Variants in SLC24A2 observed in about 807,000 individuals in gnomAD.
SLC24A2 encodes the protein sodium/potassium/calcium exchanger 2.
In SLC24A2, 36 loss-of-function variants were observed where a neutral mutation model predicts 62.0. That is an observed-to-expected ratio of 0.58 (90% CI 0.44 to 0.77). The LOEUF is 0.77. Ranked by LOEUF, SLC24A2 falls within the 30% of genes least tolerant of loss-of-function variation. SLC24A2 has a pLI of 0.00. For missense variants in SLC24A2, 846 were observed against 817.9 expected, an observed-to-expected ratio of 1.03 and a Z score of -0.42; for synonymous variants, 358 against 294.0, an observed-to-expected ratio of 1.22 and a Z score of -2.23.
At chr9:19,984,292 T>C in the SLC24A2 span, among the ~76,000 whole-genome samples, 2 of 151,962 alleles carry the variant, frequency 1.3e-5, no homozygotes, top group Admixed American at 6.6e-5. Context: ...TAGAATAATA[T>C]TGAAAAAGAA....
chr9:19,640,905 C>A (rs373582952), intron 2 of SLC24A2, among the ~76,000 whole-genome samples: 24 of 152,194 alleles, frequency 1.6e-4, no homozygotes, highest in Admixed American at 1.2e-3. Flanking sequence ...CTAATTCCAG[C>A]CCTGGGTGTT....
intron 2 of SLC24A2, among the ~76,000 whole-genome samples, chr9:19,648,753 G>C (rs1818713120): frequency 6.6e-6 from 1 of 152,084 alleles, no homozygotes; most frequent in Admixed American, 6.5e-5. Context: ...GTTAGGGTTG[G>C]TTATTGGGTT....
the SLC24A2 span, among the ~76,000 whole-genome samples, chr9:20,058,465 G>A: frequency 6.7e-6 from 1 of 148,444 alleles, no homozygotes; most frequent in Non-Finnish European, 1.5e-5. Flanking sequence ...CTCAAAGTAT[G>A]CTTCTGATAC....
the SLC24A2 span, among the ~76,000 whole-genome samples, chr9:20,000,487 C>G: frequency 6.6e-6 from 1 of 151,642 alleles, no homozygotes; most frequent in Middle Eastern, 3.2e-3. Flanking sequence ...ACTCTATCTT[C>G]AAAAAGTTTA....
At chr9:19,718,551 T>G (rs1201124617) in intron 2 of SLC24A2, among the ~76,000 whole-genome samples, 1 of 150,302 alleles carries the variant, frequency 6.7e-6, no homozygotes, top group Admixed American at 6.7e-5. Flanking sequence ...GCTCAAGCAA[T>G]TGGCCCGCCT....
chr9:20,060,712 T>G, the SLC24A2 span, among the ~76,000 whole-genome samples: 501 of 152,206 alleles, frequency 3.3e-3, 10 homozygotes, highest in Admixed American at 0.029. Flanking sequence ...AAGAAAACTG[T>G]GCGCCTAAGA....
chr9:19,636,332 TTTC>T (rs1818339572), intron 2 of SLC24A2, among the ~76,000 whole-genome samples: 1 of 29,998 alleles, frequency 3.3e-5, no homozygotes, highest in Admixed American at 3.5e-4. Context: ...TCTTTCTTTC[TTTC>T]TTTCTTTCTT....
the SLC24A2 span, among the ~76,000 whole-genome samples, chr9:20,055,462 G>T: frequency 1.3e-5 from 2 of 151,990 alleles, no homozygotes; most frequent in African/African-American, 4.8e-5. Context: ...TGTTTAGTAG[G>T]GGGTGTAAAT....
the SLC24A2 span, among the ~76,000 whole-genome samples, chr9:20,290,744 G>C: frequency 6.6e-6 from 1 of 152,190 alleles, no homozygotes; most frequent in Non-Finnish European, 1.5e-5. Context: ...TCTGAAAGCT[G>C]TGGAAGTCCA....
intron 2 of SLC24A2, among the ~76,000 whole-genome samples, chr9:19,715,916 G>C (rs891115576): frequency 3.3e-5 from 5 of 152,128 alleles, no homozygotes; most frequent in African/African-American, 4.8e-5. Context: ...GTTTTGAAGT[G>C]GGGGAGAAGA....
the SLC24A2 span, among the ~76,000 whole-genome samples, chr9:20,248,309 G>T: frequency 6.6e-6 from 1 of 152,200 alleles, no homozygotes; most frequent in Admixed American, 6.5e-5. Context: ...AGGTACTAAA[G>T]AAAGATTTCA....
chr9:19,762,071 T>A (rs963962747), intron 2 of SLC24A2, among the ~76,000 whole-genome samples: 2 of 152,232 alleles, frequency 1.3e-5, no homozygotes, highest in Non-Finnish European at 2.9e-5. Context: ...ACTTCCACAA[T>A]GGTTGAACTA....
At chr9:20,031,241 G>C in the SLC24A2 span, among the ~76,000 whole-genome samples, 1 of 148,180 alleles carries the variant, frequency 6.7e-6, no homozygotes, top group Non-Finnish European at 1.5e-5. Context: ...GTGTGTGTGT[G>C]TTATTTCTCT....
chr9:20,096,782 G>T, the SLC24A2 span, among the ~76,000 whole-genome samples: 4 of 151,954 alleles, frequency 2.6e-5, no homozygotes, highest in South Asian at 8.3e-4. Context: ...TAATCCTTTA[G>T]TTGGGAAATT....
chr9:20,301,216 A>G, the SLC24A2 span, among the ~76,000 whole-genome samples: 33 of 152,324 alleles, frequency 2.2e-4, no homozygotes, highest in African/African-American at 7.9e-4. Context: ...ACATTGGTTA[A>G]AAGTCCTACC....
At chr9:19,979,529 G>A in the SLC24A2 span, among the ~76,000 whole-genome samples, 1 of 152,108 alleles carries the variant, frequency 6.6e-6, no homozygotes, top group Non-Finnish European at 1.5e-5. Context: ...AGACATACAC[G>A]CTTTTTAGGA....
chr9:19,921,433 G>T, the SLC24A2 span, among the ~76,000 whole-genome samples: 1 of 150,776 alleles, frequency 6.6e-6, no homozygotes, highest in African/African-American at 2.4e-5. Flanking sequence ...ACAGAATGGC[G>T]TGAACCCGGG....
At chr9:20,192,822 A>C in the SLC24A2 span, among the ~76,000 whole-genome samples, 1 of 152,170 alleles carries the variant, frequency 6.6e-6, no homozygotes, top group Non-Finnish European at 1.5e-5. Context: ...TGCACTGCAA[A>C]GAGCCTTTCT....
chr9:20,277,044 C>T, the SLC24A2 span, among the ~76,000 whole-genome samples: 2 of 152,160 alleles, frequency 1.3e-5, no homozygotes, highest in Non-Finnish European at 1.5e-5. Flanking sequence ...ATTGTCTTGG[C>T]GATTAACATG....
Sources: allele counts gnomAD v4.1 joint callset (sites outside exome capture counted in the v4.1 genomes callset), GRCh38; gene constraint gnomAD v4.1.1; transcripts MANE v1.5; gene names NCBI Gene and HGNC (gene_info 2026-07-23, HGNC 2026-07-21).